CUX2: variants seen among roughly 807,000 people sequenced by gnomAD.
The protein encoded by CUX2 is homeobox protein cut-like 2.
A neutral mutation model predicts 144.8 loss-of-function variants in CUX2; 40 were observed. The ratio of observed to expected loss-of-function variants is 0.28; its 90% confidence interval spans 0.21 to 0.36. The LOEUF is 0.36. CUX2 is among the 10% of genes least tolerant of loss of function. CUX2 has a pLI of 1.00. For synonymous variants in CUX2, 827 were observed against 875.6 expected (o/e 0.94, Z 0.98); for missense variants, 1,615 against 1,994.0 (o/e 0.81, Z 3.62).
intron 16 of CUX2, among the ~76,000 whole-genome samples, chr12:111,315,943 G>A (rs1326598230): frequency 6.6e-6 from 1 of 152,116 alleles, no homozygotes; most frequent in Non-Finnish European, 1.5e-5. Context: ...ATGATCATGC[G>A]ATGCATGTAG....
At position 111,320,557 on chromosome 12, in the gene CUX2, G is replaced by T; in HGVS notation, c.2548G>T (p.Gly850Cys). 6.5e-7 allele frequency: 1 copy of T among 1,535,580 alleles called. No homozygotes were observed. Among genetic ancestry groups the T allele is most frequent in the Non-Finnish European group, 8.7e-7 (1 of 1,149,314 alleles). Residue 850 changes from glycine to cysteine, a missense_variant, in exon 17 of 22, where the codon GGC (glycine) becomes TGC (cysteine). Coordinates refer to ENST00000261726, the MANE Select transcript of CUX2 (RefSeq NM_015267.4). This position sits in a 1 kb window ranked among gnomAD's most constrained non-coding sequence, Gnocchi z 8.1. ...GGCGGAGGACGAACCCCCCAGGACG[G>T]GCGAGCTCAAGGCTGAGGGCGCGAC... Reference protein sequence around the residue: ...AGAEDEPPRTGELKAEGATAE... With the variant: ...AGAEDEPPRTCELKAEGATAE...
intron 4 of CUX2, among the ~76,000 whole-genome samples, chr12:111,286,694 G>A (rs935762732): frequency 2.0e-5 from 3 of 152,114 alleles, no homozygotes; most frequent in African/African-American, 7.2e-5. Flanking sequence ...CCAACATGAT[G>A]AAACCCCATC....
chr12:111,227,730 AC>A (rs1002834379), intron 3 of CUX2, among the ~76,000 whole-genome samples: 24 of 151,852 alleles, frequency 1.6e-4, no homozygotes, highest in African/African-American at 4.6e-4. Flanking sequence ...GCACACCCCC[AC>A]CCCAGGGGCC....
chr12:111,142,541 A>C (rs958243016), intron 1 of CUX2, among the ~76,000 whole-genome samples: 14 of 151,986 alleles, frequency 9.2e-5, no homozygotes, highest in Non-Finnish European at 1.9e-4. Flanking sequence ...AAAAAAAAAA[A>C]AAAAAACAGA....
At chr12:111,162,473 G>A (rs1483253813) in intron 1 of CUX2, among the ~76,000 whole-genome samples, 2 of 152,176 alleles carry the variant, frequency 1.3e-5, no homozygotes, top group East Asian at 3.9e-4. Flanking sequence ...CCCCACTGCT[G>A]GGATGTGCGG....
chr12:111,275,924 C>T (rs1411288433), intron 4 of CUX2, among the ~76,000 whole-genome samples: 1 of 152,142 alleles, frequency 6.6e-6, no homozygotes, highest in Non-Finnish European at 1.5e-5. Flanking sequence ...CAGTAACATC[C>T]ATTTTCTGTT....
chr12:111,148,757 G>A (rs532018114), intron 1 of CUX2, among the ~76,000 whole-genome samples: 2 of 152,320 alleles, frequency 1.3e-5, no homozygotes, highest in South Asian at 4.1e-4. Flanking sequence ...AGCACTCTGG[G>A]AGGCCAAGGC....
intron 1 of CUX2, among the ~76,000 whole-genome samples, chr12:111,195,243 C>G (rs1880168132): frequency 6.6e-6 from 1 of 152,174 alleles, no homozygotes; most frequent in Non-Finnish European, 1.5e-5. Context: ...TTTTTCCCTC[C>G]CCTGACTGTT....
intron 1 of CUX2, chr12:111,099,959 T>C (rs1215634402): frequency 2.2e-6 from 1 of 457,356 alleles, no homozygotes; most frequent in South Asian, 1.5e-5. Flanking sequence ...CAGAGTCCTG[T>C]GGGAAGGGAA....
In CUX2 at chr12:111,189,437, C is replaced by T. The variant is rs180949140; in HGVS notation, c.64-24763C>T. ...TTTCTGTTTCTTACGTAAATGGAAT[C>T]GTACAGTGTGTGTGCCCTTGCACTG... On this transcript the variant is annotated intron_variant, in intron 1 of 21. Transcript: ENST00000261726. Among the ~76,000 whole-genome samples, 33 of 152,354 alleles carry T rather than the reference C, an allele frequency of 2.2e-4. 1 individual carries two copies. In the East Asian group the frequency reaches 5.0e-3, roughly 23 times the overall value.
intron 1 of CUX2, among the ~76,000 whole-genome samples, chr12:111,195,087 C>T (rs574558188): frequency 3.3e-4 from 51 of 152,318 alleles, no homozygotes; most frequent in Non-Finnish European, 5.6e-4. Flanking sequence ...CAAACAGCCC[C>T]GTGGCCAGCC....
At chr12:111,093,964 A>G (rs1024503293) in intron 1 of CUX2, among the ~76,000 whole-genome samples, 9 of 152,222 alleles carry the variant, frequency 5.9e-5, no homozygotes, top group South Asian at 2.1e-4. Context: ...ATGTTTATCT[A>G]TAGTCGTTCG....
At chr12:111,122,004 C>T (rs950791072) in intron 1 of CUX2, among the ~76,000 whole-genome samples, 1 of 152,056 alleles carries the variant, frequency 6.6e-6, no homozygotes, top group African/African-American at 2.4e-5. Context: ...AAACACCATC[C>T]TCCATCCCTC....
intron 15 of CUX2, among the ~76,000 whole-genome samples, chr12:111,311,701 C>A (rs1297487353): frequency 6.6e-6 from 1 of 150,906 alleles, no homozygotes; most frequent in Non-Finnish European, 1.5e-5. Context: ...TGGGTTCAAG[C>A]GATTCTCCTG....
At chr12:111,316,903 C>A (rs58314524) in intron 16 of CUX2, among the ~76,000 whole-genome samples, 3 of 152,138 alleles carry the variant, frequency 2.0e-5, no homozygotes, top group East Asian at 1.9e-4. Context: ...CTCCCCCCAG[C>A]CCCTGGAAAC....
intron 1 of CUX2, among the ~76,000 whole-genome samples, chr12:111,117,877 C>T (rs912556908): frequency 1.3e-5 from 2 of 152,288 alleles, no homozygotes; most frequent in Non-Finnish European, 2.9e-5. Context: ...GGCTACAGAA[C>T]CCATATTATA....
At chr12:111,131,747 A>G (rs1189369828) in intron 1 of CUX2, among the ~76,000 whole-genome samples, 1 of 152,218 alleles carries the variant, frequency 6.6e-6, no homozygotes, top group African/African-American at 2.4e-5. Flanking sequence ...ATCTCCTTTG[A>G]TTCCAGATCT....
intron 20 of CUX2, among the ~76,000 whole-genome samples, chr12:111,340,111 G>A (rs555587966): frequency 4.6e-5 from 7 of 152,246 alleles, no homozygotes; most frequent in South Asian, 4.1e-4. Flanking sequence ...CAGGAGAACC[G>A]CTTGAACCTG....
intron 1 of CUX2, among the ~76,000 whole-genome samples, chr12:111,182,393 G>A (rs925866585): frequency 7.2e-5 from 11 of 152,248 alleles, no homozygotes; most frequent in African/African-American, 2.6e-4. Context: ...CATACAGCCC[G>A]GCGGCCAGCA....
Sources: allele counts gnomAD v4.1 joint callset (sites outside exome capture counted in the v4.1 genomes callset), GRCh38; gene constraint gnomAD v4.1.1; non-coding constraint Gnocchi (gnomAD v3.1); transcripts MANE v1.5; gene names NCBI Gene and HGNC (gene_info 2026-07-23, HGNC 2026-07-21).